The following PDXDC1 variants were observed in gnomAD, a reference collection of about 807,000 sequenced individuals.
The protein encoded by PDXDC1 is pyridoxal-dependent decarboxylase domain-containing protein 1.
In PDXDC1, 42 loss-of-function variants were observed where a neutral mutation model predicts 100.1. The observed-to-expected ratio is 0.42, with a 90% CI of 0.33 to 0.54. PDXDC1 has a LOEUF of 0.54. Ranked by LOEUF, PDXDC1 falls within the 20% of genes least tolerant of loss-of-function variation. The probability of loss-of-function intolerance (pLI) is 0.10; values close to 1 mark genes in which losing one functional copy is unlikely to be tolerated. For missense variants in PDXDC1, 636 were observed against 979.2 expected (o/e 0.65, Z 4.68); for synonymous variants, 260 against 371.7 (o/e 0.70, Z 3.46).
intron 16 of PDXDC1, among the ~76,000 whole-genome samples, chr16:15,123,250 G>A (rs1159118445): frequency 2.0e-5 from 3 of 151,174 alleles, no homozygotes; most frequent in Non-Finnish European, 4.4e-5. Context: ...AGTCCCCCAC[G>A]CTCCTCCCAA....
intron 1 of PDXDC1, among the ~76,000 whole-genome samples, chr16:14,992,808 C>T (rs1190584311): frequency 2.0e-5 from 3 of 152,252 alleles, no homozygotes; most frequent in African/African-American, 7.2e-5. Context: ...GTTTCCTCAC[C>T]TCCAAAATGT....
At chr16:15,019,263 G>C (rs868695459) in intron 12 of PDXDC1, among the ~76,000 whole-genome samples, 1 of 152,284 alleles carries the variant, frequency 6.6e-6, no homozygotes, top group African/African-American at 2.4e-5. Flanking sequence ...GGGTGCAAAA[G>C]GTGGAGGGGT....
chr16:15,015,544 G>A (rs1474581079), intron 8 of PDXDC1, among the ~76,000 whole-genome samples: 4 of 152,122 alleles, frequency 2.6e-5, no homozygotes, highest in Admixed American at 6.5e-5. Context: ...GTGAAACCCC[G>A]TCTCTACTAA....
chr16:15,055,767 G>T, intron 16 of PDXDC1: 1 of 478,860 alleles, frequency 2.1e-6, no homozygotes, highest in East Asian at 3.7e-5. Context: ...GCGAGCCGAC[G>T]GCCGGGGCTC....
intron 16 of PDXDC1, among the ~76,000 whole-genome samples, chr16:15,080,304 T>C (rs1409717946): frequency 6.6e-6 from 1 of 152,242 alleles, no homozygotes; most frequent in African/African-American, 2.4e-5. Context: ...AAATTTTTAA[T>C]TTGCATAACT....
intron 16 of PDXDC1, among the ~76,000 whole-genome samples, chr16:15,120,962 CAAAAAAAAGAA>C (rs2047412696): frequency 8.2e-5 from 1 of 12,188 alleles, no homozygotes; most frequent in Non-Finnish European, 1.4e-4. Flanking sequence ...GACTCTGTCT[CAAAAAAAAGAA>C]AAAAAAAAAA....
intron 16 of PDXDC1, among the ~76,000 whole-genome samples, chr16:15,080,701 C>A (rs2045661039): frequency 6.6e-6 from 1 of 152,180 alleles, no homozygotes; most frequent in African/African-American, 2.4e-5. Flanking sequence ...TGATTATGGG[C>A]ATAAGCCACT....
At chr16:15,076,243 G>C (rs1430321613) in intron 16 of PDXDC1, among the ~76,000 whole-genome samples, 2 of 152,152 alleles carry the variant, frequency 1.3e-5, no homozygotes, top group South Asian at 2.1e-4. Context: ...GTAAAATGCA[G>C]AAATTAAACA....
intron 13 of PDXDC1, among the ~76,000 whole-genome samples, chr16:15,023,902 G>C (rs2042389230): frequency 6.6e-6 from 1 of 152,286 alleles, no homozygotes; most frequent in Admixed American, 6.5e-5. Flanking sequence ...ACTGTCAAAT[G>C]AAAGTATGCC....
chr16:15,049,273 C>G (rs1290964561), intron 16 of PDXDC1, among the ~76,000 whole-genome samples: 3 of 152,202 alleles, frequency 2.0e-5, no homozygotes, highest in African/African-American at 4.8e-5. Context: ...AAGTGATCCA[C>G]CCACCTTGGC....
intron 16 of PDXDC1, chr16:15,044,439 G>T (rs770557685): frequency 6.9e-7 from 1 of 1,454,732 alleles, no homozygotes; most frequent in South Asian, 1.1e-5. Context: ...TCAGAGGCCA[G>T]AAGAAGACAC....
chr16:15,145,539 G>A, the PDXDC1 span, among the ~76,000 whole-genome samples: 8 of 152,246 alleles, frequency 5.3e-5, no homozygotes, highest in East Asian at 7.7e-4. Flanking sequence ...AGATCATGGC[G>A]CTGCTAAGGT....
In PDXDC1 at chr16:15,036,966, A is replaced by G. The variant is rs1223568681; in HGVS notation, c.*691A>G. 6.6e-6 allele frequency: 1 copy of G among 152,412 alleles called. No individual in the cohort carries two copies. The highest frequency in any genetic ancestry group is 1.5e-5 in the Non-Finnish European group (1 of 68,204). The allele number at this position is 152,412 out of a possible 1,614,324, so 9.4% of individuals were successfully genotyped here. ...TCTCCTCCTGACCATATATTTTTAA[A>G]TACTGGCAAAGCTTTTAAAATTGGC... is the stretch of plus-strand genomic sequence containing the variant. On this transcript the variant is annotated 3_prime_UTR_variant, in exon 23 of 23. Coordinates refer to ENST00000396410, the MANE Select transcript of PDXDC1 (RefSeq NM_015027.4).
At chr16:15,032,668 A>AAAAAAAAAAAAAAAAAAAAAAAAAAG in intron 17 of PDXDC1, 193 bp from the exon 18 acceptor site, 3 of 380,180 alleles carry the variant, frequency 7.9e-6, no homozygotes, top group East Asian at 5.8e-5. Flanking sequence ...AAAAAAAAAA[A>AAAAAAAAAAAAAAAAAAAAAAAAAAG]AGGCTTTCCT....
chr16:15,048,449 G>C (rs1296742521), intron 16 of PDXDC1, among the ~76,000 whole-genome samples: 1 of 152,022 alleles, frequency 6.6e-6, no homozygotes, highest in African/African-American at 2.4e-5. Flanking sequence ...TGAACTCCTG[G>C]GCTCAAGCAA....
chr16:15,072,058 C>G (rs2045255285), intron 16 of PDXDC1, among the ~76,000 whole-genome samples: 1 of 152,066 alleles, frequency 6.6e-6, no homozygotes. Context: ...TGGAAAAAAA[C>G]AGACACAGCT....
At chr16:15,111,081 T>C (rs1259429228) in intron 16 of PDXDC1, among the ~76,000 whole-genome samples, 2 of 146,562 alleles carry the variant, frequency 1.4e-5, no homozygotes, top group Non-Finnish European at 3.0e-5. Context: ...TGAGCGGAGA[T>C]CACACCACTG....
chr16:15,094,250 G>C (rs530896268), intron 16 of PDXDC1: 35 of 1,554,660 alleles, frequency 2.3e-5, no homozygotes, highest in East Asian at 7.1e-5. Flanking sequence ...GAACTAACGC[G>C]ACCGCTGCGC....
At chr16:15,071,824 T>C (rs1216200610) in intron 16 of PDXDC1, among the ~76,000 whole-genome samples, 6 of 152,056 alleles carry the variant, frequency 3.9e-5, no homozygotes, top group Admixed American at 6.5e-5. Context: ...ACAAATTCAA[T>C]AGGTTTGTGA....
Sources: gnomAD v4.1 joint callset for allele counts (sites outside exome capture counted in the v4.1 genomes callset) on GRCh38, gnomAD v4.1.1 for gene constraint, MANE v1.5 for transcripts, NCBI Gene and HGNC (gene_info 2026-07-23, HGNC 2026-07-21) for gene names.